The following ZFP91 variants were observed in gnomAD, a reference collection of about 807,000 sequenced individuals.
ZFP91 encodes the protein E3 ubiquitin-protein ligase ZFP91.
A neutral mutation model predicts 63.5 loss-of-function variants in ZFP91; 7 were observed. That is an observed-to-expected ratio of 0.11 (90% CI 0.06 to 0.21). The LOEUF is 0.21. ZFP91 is among the 10% of genes least tolerant of loss of function. The probability of loss-of-function intolerance (pLI) is 1.00; values close to 1 mark genes in which losing one functional copy is unlikely to be tolerated. For missense variants in ZFP91, 628 were observed against 736.6 expected (o/e 0.85, Z 1.71); for synonymous variants, 330 against 272.1 (o/e 1.21, Z -2.10).
chr11:58,598,389 A>G (rs376717370), intron 2 of ZFP91, among the ~76,000 whole-genome samples: 5 of 152,176 alleles, frequency 3.3e-5, no homozygotes, highest in Middle Eastern at 3.4e-3. Flanking sequence ...TCTCCAAAAA[A>G]TTTTCTTACA....
At chr11:58,587,459 G>C (rs1855230721) in intron 2 of ZFP91, among the ~76,000 whole-genome samples, 1 of 152,178 alleles carries the variant, frequency 6.6e-6, no homozygotes, top group African/African-American at 2.4e-5. Context: ...TATGCAGATA[G>C]TTAATTTGGA....
At chr11:58,598,147 T>G (rs1213016856) in intron 2 of ZFP91, among the ~76,000 whole-genome samples, 7 of 152,216 alleles carry the variant, frequency 4.6e-5, no homozygotes. Flanking sequence ...TATTCATTAG[T>G]ACATCTTTAC....
In ZFP91 at chr11:58,609,941, G is replaced by T. The variant is rs202023024; in HGVS notation, c.482G>T (p.Arg161Leu). 6.2e-7 allele frequency: 1 copy of T among 1,614,118 alleles called. No homozygotes were observed. Among genetic ancestry groups the T allele is most frequent in the Non-Finnish European group, 8.5e-7 (1 of 1,180,020 alleles). The change falls in exon 3 of 11, where the codon CGC becomes CTC. Residue 161 changes from arginine to leucine, a missense_variant. Arg to Leu is a moderately radical substitution (Grantham distance 102, BLOSUM62 -2). Around this residue, in one of 3 missense-constraint regions of ZFP91, gnomAD observed 437 missense variants for 380.3 expected, o/e 1.15. Transcript: ENST00000316059. ...GWRSSRTSVS[R>L]HRDTENTRSS... The stretch of plus-strand genomic sequence containing the variant: ...CGTAGTAGTAGGACATCTGTTTCTC[G>T]CCATCGTGATACAGAGAACACCCGA...
At chr11:58,601,030 A>G (rs1435104293) in intron 2 of ZFP91, among the ~76,000 whole-genome samples, 3 of 152,126 alleles carry the variant, frequency 2.0e-5, no homozygotes, top group African/African-American at 7.2e-5. Context: ...TCTTCTTAAT[A>G]TGATGCTATA....
At chr11:58,599,684 G>T (rs1040364897) in intron 2 of ZFP91, among the ~76,000 whole-genome samples, 1 of 151,894 alleles carries the variant, frequency 6.6e-6, no homozygotes, top group Non-Finnish European at 1.5e-5. Flanking sequence ...TTTTAATTGG[G>T]TTGTTTCTCT....
chr11:58,580,545 CAG>C (rs1007580549), intron 1 of ZFP91, among the ~76,000 whole-genome samples: 2 of 152,176 alleles, frequency 1.3e-5, no homozygotes, highest in Non-Finnish European at 2.9e-5. Context: ...TTAGTAAAAA[CAG>C]AGAAAATTGA....
chr11:58,613,648 C>T (rs1409994468), intron 8 of ZFP91, among the ~76,000 whole-genome samples: 2 of 151,966 alleles, frequency 1.3e-5, no homozygotes, highest in Non-Finnish European at 2.9e-5. Context: ...TTCTTGGGTA[C>T]TGTGTAGAAT....
At chr11:58,596,589 A>G (rs2134402683) in intron 2 of ZFP91, among the ~76,000 whole-genome samples, 1 of 151,708 alleles carries the variant, frequency 6.6e-6, no homozygotes, top group African/African-American at 2.4e-5. Flanking sequence ...GTTCAAAAGC[A>G]CTCATCTTCA....
At chr11:58,594,128 T>C (rs958364186) in intron 2 of ZFP91, among the ~76,000 whole-genome samples, 1 of 151,134 alleles carries the variant, frequency 6.6e-6, no homozygotes, top group South Asian at 2.1e-4. Context: ...AAACTCTGTC[T>C]GTGGCTATTA....
intron 2 of ZFP91, among the ~76,000 whole-genome samples, chr11:58,597,244 A>T (rs1412479483): frequency 6.6e-6 from 1 of 152,160 alleles, no homozygotes; most frequent in African/African-American, 2.4e-5. Flanking sequence ...AGATAAGGGC[A>T]GCCCTGATCA....
At chr11:58,594,283 G>A (rs186567064) in intron 2 of ZFP91, among the ~76,000 whole-genome samples, 5 of 152,116 alleles carry the variant, frequency 3.3e-5, no homozygotes, top group Admixed American at 1.3e-4. Flanking sequence ...ACATGTACTC[G>A]TTTCTCCTGC....
Position 58,618,020 on chromosome 11 carries a change from G to C in ZFP91, c.*314G>C, listed in dbSNP as rs1426404692. 3 of 244,464 alleles carry C rather than the reference G, an allele frequency of 1.2e-5. No homozygotes were observed. Among genetic ancestry groups the C allele is most frequent in the Non-Finnish European group, 2.3e-5 (3 of 129,788 alleles). 15.1% of individuals were successfully genotyped at this position (244,464 alleles called of 1,614,324 possible). ...TCAGCAGACTTCCTGCTCATCGGCA[G>C]ATCCCCCTTTCCAACCTGTAACTCT... On this transcript the variant is annotated 3_prime_UTR_variant, in exon 11 of 11. Transcript: ENST00000316059.
At chr11:58,599,605 C>A (rs1855460653) in intron 2 of ZFP91, among the ~76,000 whole-genome samples, 1 of 151,984 alleles carries the variant, frequency 6.6e-6, no homozygotes, top group Non-Finnish European at 1.5e-5. Flanking sequence ...TGTTCCGTAT[C>A]TTTTCAAGTA....
rs1855198187 is a variant in ZFP91, at chr11:58,585,780, ATAAT to A, written c.370+898_370+901del. Among the ~76,000 whole-genome samples the A allele has an allele frequency of 3.9e-5, 6 of 152,336 alleles. No individual in the cohort carries two copies. In the South Asian group the frequency reaches 8.3e-4, roughly 21 times the overall value. On this transcript the variant is annotated intron_variant, in intron 2 of 10. Coordinates refer to ENST00000316059, the MANE Select transcript of ZFP91 (RefSeq NM_053023.5). ...CTTAAGGTTTTTCTGTTCTTGATAA[ATAAT>A]TCTTCGAGAACGTATAAGGCAAGTT... is the stretch of plus-strand genomic sequence containing the variant.
Position 58,584,898 on chromosome 11 carries a change from A to C in ZFP91, c.370+14A>C, listed in dbSNP as rs886666435. ...CAACTGATAAAGGTAAGACTTGGTC[A>C]TCCTTACCTCTAGCGTACATTACAC... On this transcript the variant is annotated intron_variant, in intron 2 of 10. Transcript: ENST00000316059. The C allele has an allele frequency of 6.6e-7, 1 of 1,513,692 alleles. No homozygotes were observed. Among genetic ancestry groups the C allele is most frequent in the Non-Finnish European group, 8.8e-7 (1 of 1,139,754 alleles). The allele number at this position is 1,513,692 out of a possible 1,614,324, so 93.8% of individuals were successfully genotyped here.
chr11:58,617,055 G>A lies in ZFP91; in HGVS notation c.1203-141G>A, dbSNP rs1855760144. On this transcript the variant is annotated intron_variant, in intron 10 of 10. Coordinates refer to ENST00000316059, the MANE Select transcript of ZFP91 (RefSeq NM_053023.5). The surrounding 1 kb of genome is among the most constrained non-coding windows in gnomAD (Gnocchi z 4.2). ...AACATTTCCCAATCCTTCAAAAGAA[G>A]TATGTTACTGATTATTGTGTGTGTG... 1 of 913,406 alleles carries A rather than the reference G, an allele frequency of 1.1e-6. No homozygotes were observed. The allele number at this position is 913,406 out of a possible 1,614,324, so 56.6% of individuals were successfully genotyped here. A position where few individuals can be genotyped will look rare whatever the true frequency, so the allele number is the denominator to read the frequency against.
rs1855786377 is a variant in ZFP91, at chr11:58,618,325, CCTT to C, written c.*623_*625del. ...GAAGGATATATGGGGACCACCTCCC[CCTT>C]CTTTGATCCCAGCATCTCAGTCCCC... On this transcript the variant is annotated 3_prime_UTR_variant, in exon 11 of 11. Coordinates refer to ENST00000316059, the MANE Select transcript of ZFP91 (RefSeq NM_053023.5). The C allele has an allele frequency of 5.3e-6, 1 of 190,342 alleles. No individual in the cohort carries two copies. Among genetic ancestry groups the C allele is most frequent in the Non-Finnish European group, 1.1e-5 (1 of 91,926 alleles). The allele number at this position is 190,342 out of a possible 1,614,324, so 11.8% of individuals were successfully genotyped here. A position where few individuals can be genotyped will look rare whatever the true frequency, so the allele number is the denominator to read the frequency against.
chr11:58,594,180 T>G (rs114304035), intron 2 of ZFP91, among the ~76,000 whole-genome samples: 234 of 152,328 alleles, frequency 1.5e-3, no homozygotes, highest in African/African-American at 4.8e-3. Context: ...TTAGACTTTT[T>G]TATGCCTCCT....
Position 58,620,290 on chromosome 11 carries a change from C to T in ZFP91, c.*2584C>T, listed in dbSNP as rs1396973200. 6.6e-6 allele frequency: 1 copy of T among 152,146 alleles called. No homozygotes were observed. Among genetic ancestry groups the T allele is most frequent in the Non-Finnish European group, 1.5e-5 (1 of 68,022 alleles). The allele number at this position is 152,146 out of a possible 1,614,324, so 9.4% of individuals were successfully genotyped here. A position where few individuals can be genotyped will look rare whatever the true frequency, so the allele number is the denominator to read the frequency against. Reference sequence around the variant, plus strand: ...GTAATTAAACTATCTCAGCCGTTTCCCTGCTTTCCCTTCTGCTCCATATGC... The same window carrying T: ...GTAATTAAACTATCTCAGCCGTTTCTCTGCTTTCCCTTCTGCTCCATATGC... On this transcript the variant is annotated 3_prime_UTR_variant, in exon 11 of 11. Transcript: ENST00000316059.
Sources: gnomAD v4.1 joint callset for allele counts (sites outside exome capture counted in the v4.1 genomes callset) on GRCh38, gnomAD v4.1.1 for gene constraint, gnomAD v4.1.1 regional missense constraint, Gnocchi (gnomAD v3.1) non-coding constraint, MANE v1.5 for transcripts, NCBI Gene and HGNC (gene_info 2026-07-23, HGNC 2026-07-21) for gene names.